Variants in FABP7 observed in about 807,000 individuals in gnomAD.
FABP7 encodes the protein fatty acid-binding protein, brain.
FABP7 carries 13 observed loss-of-function variants against 14.2 expected under a neutral mutation model. That is an observed-to-expected ratio of 0.91 (90% CI 0.59 to 1.45). The LOEUF is 1.45. FABP7 is among the 40% of genes most tolerant of loss of function. The probability of loss-of-function intolerance (pLI) is 0.00; values close to 1 mark genes in which losing one functional copy is unlikely to be tolerated. For synonymous variants in FABP7, 49 were observed against 51.4 expected (o/e 0.95, Z 0.20); for missense variants, 149 against 157.6 (o/e 0.95, Z 0.29).
At chr6:122,782,350 C>A in intron 3 of FABP7, 1 of 504,898 alleles carries the variant, frequency 2.0e-6, no homozygotes, top group Non-Finnish European at 2.6e-6. Context: ...CGGGCCCCCT[C>A]CCTTGCTTCT....
At chr6:122,777,875 T>TA (rs1339272538), upstream of FABP7, among the ~76,000 whole-genome samples, 1 of 35,770 alleles carries the variant, frequency 2.8e-5, no homozygotes, top group Non-Finnish European at 1.2e-4. Flanking sequence ...TAAATAAATA[T>TA]AATTTTTTTA....
At chr6:122,776,706 G>A (rs1195316837), upstream of FABP7, among the ~76,000 whole-genome samples, 9 of 152,092 alleles carry the variant, frequency 5.9e-5, no homozygotes, top group Admixed American at 1.3e-4. Context: ...TGACCAATGA[G>A]GTGATAAATA....
the FABP7 span, among the ~76,000 whole-genome samples, chr6:122,768,390 T>G: frequency 1.3e-5 from 2 of 152,282 alleles, no homozygotes; most frequent in Non-Finnish European, 2.9e-5. Flanking sequence ...GTAAAAAAGT[T>G]AATTCCTAGC....
the FABP7 span, among the ~76,000 whole-genome samples, chr6:122,752,835 CTT>C: frequency 1.3e-5 from 2 of 152,152 alleles, no homozygotes; most frequent in African/African-American, 2.4e-5. Context: ...ATTGCCTAGT[CTT>C]TTGCCATCAC....
intron 3 of FABP7, chr6:122,783,340 G>A (rs1376457995): frequency 1.0e-6 from 1 of 984,898 alleles, no homozygotes; most frequent in African/African-American, 1.7e-5. Flanking sequence ...AATTTATCTA[G>A]GTTAAGAATT....
the FABP7 span, among the ~76,000 whole-genome samples, chr6:122,765,383 T>C: frequency 6.6e-6 from 1 of 152,086 alleles, no homozygotes; most frequent in Non-Finnish European, 1.5e-5. Context: ...CATAGAGAGT[T>C]TAGATAAAGA....
At position 122,779,781 on chromosome 6, in the gene FABP7, G is replaced by T. The variant is rs1249887040; in HGVS notation, c.-14G>T. 6.2e-7 allele frequency: 1 copy of T among 1,613,980 alleles called. No homozygotes were observed. Among genetic ancestry groups the T allele is most frequent in the African/African-American group, 1.3e-5 (1 of 75,052 alleles). On this transcript the variant is annotated 5_prime_UTR_variant, in exon 1 of 4. Coordinates refer to ENST00000368444, the MANE Select transcript of FABP7 (RefSeq NM_001446.5). ...GATCCCCGCTCCTGTCTCTAAAGAG[G>T]GGAAAGGGCAAGGATGGTGGAGGCT...
At chr6:122,781,655 A>T in intron 3 of FABP7, 1 of 1,041,364 alleles carries the variant, frequency 9.6e-7, no homozygotes, top group African/African-American at 1.7e-5. Flanking sequence ...AAAGTTACAC[A>T]AGTTCTGGGC....
chr6:122,762,337 A>G, the FABP7 span, among the ~76,000 whole-genome samples: 1 of 152,200 alleles, frequency 6.6e-6, no homozygotes, highest in East Asian at 1.9e-4. Flanking sequence ...ACAAAATTCA[A>G]CAGCCCATCA....
the FABP7 span, among the ~76,000 whole-genome samples, chr6:122,772,324 T>A: frequency 6.6e-6 from 1 of 152,110 alleles, no homozygotes; most frequent in Non-Finnish European, 1.5e-5. Context: ...GAATGGAATA[T>A]TTAAATAATG....
At chr6:122,765,836 T>G in the FABP7 span, among the ~76,000 whole-genome samples, 1 of 152,020 alleles carries the variant, frequency 6.6e-6, no homozygotes, top group Non-Finnish European at 1.5e-5. Flanking sequence ...CAAAGAGACT[T>G]TTTTTTCTTC....
chr6:122,779,748 G>C lies in FABP7; in HGVS notation c.-47G>C, dbSNP rs779363483. 8.8e-6 allele frequency: 14 copies of C among 1,590,046 alleles called. No individual in the cohort carries two copies. Among genetic ancestry groups the C allele is most frequent in the Non-Finnish European group, 1.2e-5 (14 of 1,159,338 alleles). On this transcript the variant is annotated 5_prime_UTR_variant, in exon 1 of 4. Transcript: ENST00000368444. Reference sequence around the variant, plus strand: ...GTCTTCTGAGCTGCAGTGGCAATTAGACCAGAAGATCCCCGCTCCTGTCTC... The same window carrying C: ...GTCTTCTGAGCTGCAGTGGCAATTACACCAGAAGATCCCCGCTCCTGTCTC...
In FABP7 at chr6:122,783,776, C is replaced by G. The variant is rs375023461; in HGVS notation, c.*9C>G. ...ACTATGAGAAGGCATAAAAATGTTC[C>G]TGGTCGGGGCTTGGAAGAGCTCTTC... On this transcript the variant is annotated 3_prime_UTR_variant, in exon 4 of 4. Transcript: ENST00000368444. 13 of 1,606,862 alleles carry G rather than the reference C, an allele frequency of 8.1e-6. No homozygotes were observed. The highest frequency in any genetic ancestry group is 1.0e-5 in the Non-Finnish European group (12 of 1,176,760).
At chr6:122,772,994 C>T in the FABP7 span, among the ~76,000 whole-genome samples, 1 of 152,044 alleles carries the variant, frequency 6.6e-6, no homozygotes, top group Non-Finnish European at 1.5e-5. Context: ...TCAGCAAAAC[C>T]AGTTTGTCTG....
chr6:122,782,937 T>G (rs1310304142), intron 3 of FABP7: 5 of 985,340 alleles, frequency 5.1e-6, no homozygotes, highest in Non-Finnish European at 4.8e-6. Context: ...TACCTCCATT[T>G]TTTCCCAGAA....
Position 122,780,388 on chromosome 6 carries a change from A to G in FABP7, c.171A>G (p.Thr57=). The G allele has an allele frequency of 6.2e-7, 1 of 1,614,162 alleles. No homozygotes were observed. The highest frequency in any genetic ancestry group is 1.7e-5 in the Admixed American group (1 of 60,010). The change falls in exon 2 of 4, where the codon ACA becomes ACG. Residue 57 remains threonine, a synonymous_variant. Transcript: ENST00000368444. ...GDKVVIRTLS[T]FKNTEISFQL... ...AAGTGGTCATCAGGACTCTCAGCACATTCAAGAACACGGAGATTAGTTTCC... is the reference window on the plus strand; with the variant it reads ...AAGTGGTCATCAGGACTCTCAGCACGTTCAAGAACACGGAGATTAGTTTCC...
At chr6:122,780,791 C>G (rs1780763073) in intron 2 of FABP7, among the ~76,000 whole-genome samples, 1 of 152,156 alleles carries the variant, frequency 6.6e-6, no homozygotes, top group Non-Finnish European at 1.5e-5. Context: ...CTCAGATTGA[C>G]TAAATAGACA....
chr6:122,769,728 C>G, the FABP7 span, among the ~76,000 whole-genome samples: 7 of 152,088 alleles, frequency 4.6e-5, no homozygotes, highest in African/African-American at 1.7e-4. Context: ...GGAGACTTCT[C>G]TGTTAACAAA....
chr6:122,778,851 G>A (rs1316877770), upstream of FABP7, among the ~76,000 whole-genome samples: 8 of 152,132 alleles, frequency 5.3e-5, no homozygotes, highest in East Asian at 1.3e-3. Context: ...GTCCTAGAAT[G>A]CAGGTAATTT....
Sources: allele counts gnomAD v4.1 joint callset (sites outside exome capture counted in the v4.1 genomes callset), GRCh38; gene constraint gnomAD v4.1.1; transcripts MANE v1.5; gene names NCBI Gene and HGNC (gene_info 2026-07-23, HGNC 2026-07-21).